Variants in TJP2 observed in about 807,000 individuals in gnomAD.
The protein encoded by TJP2 is tight junction protein 2.
TJP2 carries 91 observed loss-of-function variants against 133.1 expected under a neutral mutation model. That is an observed-to-expected ratio of 0.68 (90% CI 0.58 to 0.81). TJP2 has a LOEUF of 0.81. Among genes scored for constraint, TJP2 ranks in the 40% least tolerant of loss-of-function variants. TJP2 has a pLI of 0.00. For synonymous variants in TJP2, 592 were observed against 583.4 expected (o/e 1.01, Z -0.21); for missense variants, 1,541 against 1,565.6 (o/e 0.98, Z 0.26).
At chr9:69,247,731 A>G (rs577751954) in intron 18 of TJP2, among the ~76,000 whole-genome samples, 6 of 152,334 alleles carry the variant, frequency 3.9e-5, no homozygotes, top group African/African-American at 1.4e-4. Flanking sequence ...TCAGAAGAAA[A>G]GCAAGACAGA....
intron 2 of TJP2, chr9:69,151,829 C>A (rs1476290280): frequency 6.5e-6 from 8 of 1,230,454 alleles, no homozygotes; most frequent in South Asian, 8.3e-5. Flanking sequence ...AAAATTTGTT[C>A]GAATAGTTAC....
rs1292825647 is a variant in TJP2 at position 69,234,436 on chromosome 9, T to TA, written c.1672-2dup. The TA allele has an allele frequency of 1.3e-6, 2 of 1,503,092 alleles. No homozygotes were observed. Among genetic ancestry groups the TA allele is most frequent in the Admixed American group, 1.8e-5 (1 of 55,668 alleles). 93.1% of individuals were successfully genotyped at this position (1,503,092 alleles called of 1,614,324 possible). A position where few individuals can be genotyped will look rare whatever the true frequency, so the allele number is the denominator to read the frequency against. On this transcript the variant is annotated splice_polypyrimidine_tract_variant and splice_region_variant and intron_variant, in intron 11 of 22. Transcript: ENST00000377245. ...TTCTTTTTCTGTTTTTCCTTCCTAA[T>TA]AGGTGAACACACAGGATTTCAGAGG...
intron 1 of TJP2, among the ~76,000 whole-genome samples, chr9:69,204,163 TCTCA>T (rs1827217596): frequency 6.6e-6 from 1 of 152,148 alleles, no homozygotes; most frequent in Admixed American, 6.5e-5. Flanking sequence ...AGGACAAGGA[TCTCA>T]CTCCAGATCT....
At chr9:69,212,666 T>C (rs1024370347) in intron 2 of TJP2, 65 bp downstream of exon 2, 26 of 1,404,132 alleles carry the variant, frequency 1.9e-5, no homozygotes, top group Admixed American at 3.4e-5. Flanking sequence ...ATGGATCTTA[T>C]TTATTTTCAC....
At chr9:69,157,671 C>G (rs1443324815) in intron 2 of TJP2, among the ~76,000 whole-genome samples, 1 of 152,086 alleles carries the variant, frequency 6.6e-6, no homozygotes. Context: ...CCCATTTTGG[C>G]CAGGCTCTAA....
chr9:69,142,132 C>T (rs113420069), intron 1 of TJP2, among the ~76,000 whole-genome samples: 248 of 152,264 alleles, frequency 1.6e-3, no homozygotes, highest in African/African-American at 5.5e-3. Flanking sequence ...GCACAGAAGC[C>T]GGAAAAGGCA....
chr9:69,163,615 A>G (rs1824201665), intron 2 of TJP2, among the ~76,000 whole-genome samples: 1 of 147,558 alleles, frequency 6.8e-6, no homozygotes, highest in Admixed American at 7.0e-5. Context: ...CAGCCTGGGC[A>G]AAAGAGTGAG....
Position 69,228,114 on chromosome 9 carries a change from G to A in TJP2, c.1453G>A (p.Ala485Thr), listed in dbSNP as rs780970651. Residue 485 changes from alanine (A) to threonine (T), a missense_variant and splice_region_variant, in exon 9 of 23, where the codon GCT (alanine) becomes ACT (threonine). Physicochemically the swap from Ala to Thr is moderately conservative, Grantham distance 58. Coordinates refer to ENST00000377245, the MANE Select transcript of TJP2 (RefSeq NM_004817.4). ...KEPRYQEDPP[A>T]PQPKAAPRTF... ...ACCCAGATACCAAGAGGACCCCCCA[G>A]GTGAGCCATTAAGACCACTCAGTTT... 10 of 1,603,372 alleles carry A rather than the reference G, an allele frequency of 6.2e-6. 1 individual carries two copies. In the South Asian group the frequency reaches 1.0e-4, roughly 16 times the overall value.
intron 3 of TJP2, among the ~76,000 whole-genome samples, chr9:69,217,772 G>C (rs1340888987): frequency 1.3e-5 from 2 of 152,066 alleles, no homozygotes; most frequent in Non-Finnish European, 2.9e-5. Context: ...AAATTTTAAA[G>C]TAATATTTGG....
In TJP2 at chr9:69,144,502, GA is replaced by G. The variant is rs112915014; in HGVS notation, c.-130-7140del. ...TATGTTGCCATAGCACATCAAATAG[GA>G]AAAAAAAATAGCTTGAAGAAGTTGG... On this transcript the variant is annotated intron_variant, in intron 1 of 5. Transcript: ENST00000423935. Among the ~76,000 whole-genome samples, 158 of 150,356 alleles carry G rather than the reference GA, an allele frequency of 1.1e-3. 1 individual carries two copies. In the East Asian group the frequency reaches 0.025, roughly 24 times the overall value.
Position 69,251,167 on chromosome 9 carries a change from A to G in TJP2, c.3124A>G (p.Lys1042Glu). ...TKGYPPPVAA[K>E]PTFGRSILKP... is the part of the protein sequence containing the mutation. ...AGGTTATCCTCCTCCTGTTGCAGCA[A>G]AACCTACCTTTGGGCGGTCTATACT... The change falls in exon 21 of 23, where the codon AAA becomes GAA. Residue 1042 changes from lysine to glutamate, a missense_variant. Coordinates refer to ENST00000377245, the MANE Select transcript of TJP2 (RefSeq NM_004817.4). 1.9e-6 allele frequency: 3 copies of G among 1,614,140 alleles called. No individual in the cohort carries two copies. The highest frequency in any genetic ancestry group is 1.7e-6 in the Non-Finnish European group (2 of 1,180,024).
At chr9:69,173,224 A>G (rs977749058), upstream of TJP2, among the ~76,000 whole-genome samples, 6 of 152,272 alleles carry the variant, frequency 3.9e-5, no homozygotes, top group Non-Finnish European at 7.4e-5. Flanking sequence ...TTGCTTTCCA[A>G]TTAAGGGAAG....
intron 20 of TJP2, 137 bp from the exon 21 acceptor site, chr9:69,250,898 A>G (rs1831282461): frequency 1.0e-6 from 1 of 952,792 alleles, no homozygotes; most frequent in Non-Finnish European, 1.7e-6. Flanking sequence ...GCCCTGCTGT[A>G]TTACATTCCT....
chr9:69,148,353 A>T (rs1823310425), intron 1 of TJP2, among the ~76,000 whole-genome samples: 1 of 139,140 alleles, frequency 7.2e-6, no homozygotes, highest in African/African-American at 2.7e-5. Flanking sequence ...CATTCTTCTC[A>T]TGCTTCCCCC....
intron 1 of TJP2, among the ~76,000 whole-genome samples, chr9:69,202,173 G>C (rs189471354): frequency 6.6e-6 from 1 of 152,204 alleles, no homozygotes. Context: ...GGCATCTGGT[G>C]AGGGCAGCTC....
In TJP2 at chr9:69,228,026, A is replaced by G; in HGVS notation, c.1365A>G (p.Thr455=). 6.2e-7 allele frequency: 1 copy of G among 1,614,050 alleles called. No individual in the cohort carries two copies. Residue 455 remains threonine (T), a synonymous_variant, in exon 9 of 23, where the codon ACA becomes ACG. Coordinates refer to ENST00000377245, the MANE Select transcript of TJP2 (RefSeq NM_004817.4). ...TPSRLSRMGA[T]PTPFKSTGDI... is the part of the protein sequence containing the mutation. ...GCAGATTGTCCAGGATGGGTGCGAC[A>G]CCCACTCCCTTTAAGTCCACAGGGG... is the stretch of plus-strand genomic sequence containing the variant.
chr9:69,251,139 C>G lies in TJP2; in HGVS notation c.3096C>G (p.Thr1032=), dbSNP rs771455311. ...GTAATGAAACTCCTGGGGCATCTAC[C>G]AAAGGTTATCCTCCTCCTGTTGCAG... The part of the protein sequence containing the change: ...VAGNETPGAS[T]KGYPPPVAAK... The change falls in exon 21 of 23, where the codon ACC becomes ACG. Residue 1032 remains threonine, a synonymous_variant. Transcript: ENST00000377245. 3 of 1,614,124 alleles carry G rather than the reference C, an allele frequency of 1.9e-6. No individual in the cohort carries two copies. The highest frequency in any genetic ancestry group is 2.5e-6 in the Non-Finnish European group (3 of 1,180,022).
intron 11 of TJP2, among the ~76,000 whole-genome samples, chr9:69,232,078 A>G (rs768434208): frequency 6.6e-6 from 1 of 152,108 alleles, no homozygotes; most frequent in Non-Finnish European, 1.5e-5. Context: ...AGATGGGGAG[A>G]GTCGCTTTGG....
At chr9:69,173,998 C>T (rs1488737124), upstream of TJP2, 2 of 984,962 alleles carry the variant, frequency 2.0e-6, no homozygotes, top group African/African-American at 1.8e-5. Context: ...GCCGCTCGGG[C>T]CTTGGGCTTC....
Sources: gnomAD v4.1 joint callset for allele counts (sites outside exome capture counted in the v4.1 genomes callset) on GRCh38, gnomAD v4.1.1 for gene constraint, MANE v1.5 for transcripts, NCBI Gene and HGNC (gene_info 2026-07-23, HGNC 2026-07-21) for gene names.